The following CTNNA3 variants were observed in gnomAD, a reference collection of about 807,000 sequenced individuals.
CTNNA3 encodes the protein catenin alpha 3.
In CTNNA3, 76 loss-of-function variants were observed where a neutral mutation model predicts 95.7. That is an observed-to-expected ratio of 0.79 (90% CI 0.66 to 0.96). The LOEUF (loss-of-function observed/expected upper bound fraction) is 0.96, where lower values mean the gene tolerates loss of function less well. CTNNA3 is among the 40% of genes least tolerant of loss of function. The pLI, the probability that CTNNA3 is intolerant of heterozygous loss-of-function variation, is 0.00. For missense variants in CTNNA3, 1,191 were observed against 1,089.8 expected (o/e 1.09, Z -1.31); for synonymous variants, 431 against 374.4 (o/e 1.15, Z -1.74).
At chr10:66,242,435 C>G (rs10997001) in intron 13 of CTNNA3, among the ~76,000 whole-genome samples, 2 of 151,974 alleles carry the variant, frequency 1.3e-5, no homozygotes, top group African/African-American at 4.8e-5. Context: ...ATTGACAGTA[C>G]GCATATTCAG....
intron 14 of CTNNA3, among the ~76,000 whole-genome samples, chr10:66,098,511 G>T (rs1375958331): frequency 6.6e-6 from 1 of 152,106 alleles, no homozygotes; most frequent in Non-Finnish European, 1.5e-5. Context: ...ACAGTATCAG[G>T]CACTGCTCTG....
chr10:66,942,512 T>A (rs988824592), intron 7 of CTNNA3, among the ~76,000 whole-genome samples: 1 of 151,978 alleles, frequency 6.6e-6, no homozygotes, highest in African/African-American at 2.4e-5. Flanking sequence ...TTAGTTCCAT[T>A]ATCCTACAAA....
intron 13 of CTNNA3, among the ~76,000 whole-genome samples, chr10:66,125,349 T>C (rs552016413): frequency 3.7e-4 from 57 of 152,270 alleles, no homozygotes; most frequent in Non-Finnish European, 6.3e-4. Flanking sequence ...GAATTGAGAA[T>C]ACTGTATTGA....
intron 13 of CTNNA3, among the ~76,000 whole-genome samples, chr10:66,236,314 A>G (rs1018135721): frequency 6.6e-6 from 1 of 152,224 alleles, no homozygotes; most frequent in Non-Finnish European, 1.5e-5. Context: ...AAAAATGACA[A>G]GATACAAACA....
chr10:66,148,096 T>C (rs560556010), intron 13 of CTNNA3, among the ~76,000 whole-genome samples: 1 of 152,152 alleles, frequency 6.6e-6, no homozygotes, highest in East Asian at 1.9e-4. Context: ...ATATTTTCCT[T>C]CTCTGTAATT....
chr10:67,198,908 C>T (rs1354789638), intron 6 of CTNNA3, among the ~76,000 whole-genome samples: 4 of 151,720 alleles, frequency 2.6e-5, no homozygotes, highest in African/African-American at 9.7e-5. Context: ...TTATTTTTTC[C>T]CTTGGTGCTT....
chr10:66,543,353 G>A (rs1055891118), intron 10 of CTNNA3, among the ~76,000 whole-genome samples: 1 of 152,072 alleles, frequency 6.6e-6, no homozygotes, highest in African/African-American at 2.4e-5. Flanking sequence ...GCCTCCCAAA[G>A]TGCTGGGATT....
intron 7 of CTNNA3, among the ~76,000 whole-genome samples, chr10:66,942,785 C>T (rs1213243651): frequency 6.6e-6 from 1 of 152,136 alleles, no homozygotes; most frequent in Non-Finnish European, 1.5e-5. Flanking sequence ...GTAACTATTA[C>T]ATTTCTAGTG....
chr10:67,701,410 G>C (rs1030694442), intron 1 of CTNNA3, among the ~76,000 whole-genome samples: 53 of 152,342 alleles, frequency 3.5e-4, no homozygotes, highest in African/African-American at 1.2e-3. Flanking sequence ...AAGTCCATCA[G>C]ACTAACAGTG....
chr10:66,182,021 T>TATG (rs1290450290), intron 13 of CTNNA3, among the ~76,000 whole-genome samples: 1 of 152,194 alleles, frequency 6.6e-6, no homozygotes, highest in African/African-American at 2.4e-5. Flanking sequence ...AAAAATGTCC[T>TATG]ATGATAATCC....
chr10:65,933,741 A>T (rs543874376), intron 17 of CTNNA3, among the ~76,000 whole-genome samples: 1 of 152,276 alleles, frequency 6.6e-6, no homozygotes, highest in South Asian at 2.1e-4. Flanking sequence ...ATTCATTTTC[A>T]TTCATCTTCC....
intron 17 of CTNNA3, among the ~76,000 whole-genome samples, chr10:65,938,408 C>CAA (rs200605657): frequency 2.0e-5 from 3 of 149,650 alleles, no homozygotes; most frequent in Admixed American, 1.3e-4. Flanking sequence ...AGAAAGATGA[C>CAA]AAAAAAAAAT....
chr10:67,252,586 CCTT>C (rs1866154541), intron 5 of CTNNA3, among the ~76,000 whole-genome samples: 1 of 152,000 alleles, frequency 6.6e-6, no homozygotes, highest in African/African-American at 2.4e-5. Context: ...CTGTACTCAC[CCTT>C]CTTCTTGTAA....
At chr10:66,399,016 T>G (rs2093000463) in intron 11 of CTNNA3, among the ~76,000 whole-genome samples, 1 of 152,036 alleles carries the variant, frequency 6.6e-6, no homozygotes, top group Non-Finnish European at 1.5e-5. Context: ...TCCAATCATG[T>G]CTGTTGAACT....
chr10:67,137,189 C>T (rs1181972979), intron 7 of CTNNA3, among the ~76,000 whole-genome samples: 5 of 152,106 alleles, frequency 3.3e-5, no homozygotes, highest in African/African-American at 1.2e-4. Context: ...GATGATCGCT[C>T]TGAGGGTTAC....
chr10:66,826,561 T>G (rs554613409), intron 7 of CTNNA3, among the ~76,000 whole-genome samples: 26 of 152,332 alleles, frequency 1.7e-4, no homozygotes, highest in African/African-American at 5.3e-4. Context: ...ATAATAGAGA[T>G]TTGTGTTATT....
At chr10:67,381,459 AAAG>A (rs1188525782) in intron 5 of CTNNA3, among the ~76,000 whole-genome samples, 7 of 152,290 alleles carry the variant, frequency 4.6e-5, no homozygotes, top group Middle Eastern at 6.8e-3. Context: ...AAATGAAAAA[AAAG>A]AAGTTTAATG....
intron 15 of CTNNA3, among the ~76,000 whole-genome samples, chr10:66,017,210 T>G (rs1237123144): frequency 2.6e-5 from 4 of 152,196 alleles, no homozygotes; most frequent in African/African-American, 9.6e-5. Flanking sequence ...ATTTATAATA[T>G]GCTTCTTGTA....
At chr10:66,293,955 G>A (rs759608820) in intron 12 of CTNNA3, among the ~76,000 whole-genome samples, 10 of 151,870 alleles carry the variant, frequency 6.6e-5, no homozygotes, top group South Asian at 4.1e-4. Context: ...GTTAGCCACC[G>A]TGCCCGGTCA....
Sources: allele counts gnomAD v4.1 joint callset (sites outside exome capture counted in the v4.1 genomes callset), GRCh38; gene constraint gnomAD v4.1.1; transcripts MANE v1.5; gene names NCBI Gene and HGNC (gene_info 2026-07-23, HGNC 2026-07-21).